Variants in TACO1 observed in about 807,000 individuals in gnomAD.
TACO1 encodes the protein translational activator of cytochrome c oxidase 1.
Under a neutral mutation model 24.0 loss-of-function variants are expected in TACO1, and 13 were observed. That is an observed-to-expected ratio of 0.54 (90% CI 0.35 to 0.86). TACO1 has a LOEUF of 0.86. Among genes scored for constraint, TACO1 ranks in the 40% least tolerant of loss-of-function variants. The pLI is 0.01. For synonymous variants in TACO1, 149 were observed against 153.5 expected, an observed-to-expected ratio of 0.97 and a Z score of 0.22; for missense variants, 352 against 380.1, an observed-to-expected ratio of 0.93 and a Z score of 0.61.
intron 3 of TACO1, 60 bp from the exon 4 acceptor site, chr17:63,607,227 T>C: frequency 6.8e-7 from 1 of 1,465,084 alleles, no homozygotes; most frequent in Non-Finnish European, 9.5e-7. Flanking sequence ...ATGATGAGCT[T>C]TATGGAGGCT....
chr17:63,601,404 C>T (rs749201030), intron 1 of TACO1, 41 bp downstream of exon 1: 3 of 1,603,842 alleles, frequency 1.9e-6, no homozygotes, highest in African/African-American at 2.7e-5. Flanking sequence ...TGCCGCTGCC[C>T]TCTCAGTGCC....
In TACO1 at chr17:63,607,714, TA is replaced by T. The variant is rs2033873702; in HGVS notation, c.694-87del. The T allele has an allele frequency of 2.4e-5, 30 of 1,260,334 alleles. No homozygotes were observed. The South Asian group carries it at 3.5e-4, about 15-fold the overall frequency. 78.1% of individuals were successfully genotyped at this position (1,260,334 alleles called of 1,614,324 possible). A position where few individuals can be genotyped will look rare whatever the true frequency, so the allele number is the denominator to read the frequency against. Reference sequence around the variant, plus strand: ...GCTCAAACCCAGTGATCCATTCCAGTACTGACATTCAGGACTTTGCAAGGTC... The same window carrying T: ...GCTCAAACCCAGTGATCCATTCCAGTCTGACATTCAGGACTTTGCAAGGTC... On this transcript the variant is annotated intron_variant, in intron 4 of 4. Coordinates refer to ENST00000258975, the MANE Select transcript of TACO1 (RefSeq NM_016360.4).
chr17:63,603,108 C>T (rs1166820716), intron 1 of TACO1, among the ~76,000 whole-genome samples: 1 of 151,820 alleles, frequency 6.6e-6, no homozygotes, highest in African/African-American at 2.4e-5. Context: ...TGGTGGCGGG[C>T]GCCTATAGTC....
chr17:63,606,826 C>T (rs1038022578), intron 3 of TACO1: 2 of 359,896 alleles, frequency 5.6e-6, no homozygotes, highest in South Asian at 2.4e-5. Context: ...TGGGAGCCAC[C>T]ATGCCTGGCC....
Position 63,608,218 on chromosome 17 carries a change from C to G in TACO1, c.*216C>G, listed in dbSNP as rs1854235233. On this transcript the variant is annotated 3_prime_UTR_variant, in exon 5 of 5. Coordinates refer to ENST00000258975, the MANE Select transcript of TACO1 (RefSeq NM_016360.4). The stretch of plus-strand genomic sequence containing the variant: ...GTCTCAGAGCCATCTGGATGAGTGT[C>G]CCGACACCCTCTCGGATGCAGGGCA... The G allele has an allele frequency of 3.2e-6, 2 of 618,966 alleles. No homozygotes were observed. Among genetic ancestry groups the G allele is most frequent in the Non-Finnish European group, 5.8e-6 (2 of 344,880 alleles). The allele number at this position is 618,966 out of a possible 1,614,324, so 38.3% of individuals were successfully genotyped here.
At chr17:63,606,242 C>T in intron 2 of TACO1, 71 bp from the exon 3 acceptor site, 2 of 1,596,956 alleles carry the variant, frequency 1.3e-6, no homozygotes, top group Non-Finnish European at 1.7e-6. Flanking sequence ...TTTTGCGATA[C>T]TTGTAGTTCT....
In TACO1 at chr17:63,601,050, G is replaced by C. The variant is rs768401965; in HGVS notation, c.-34G>C. The C allele has an allele frequency of 7.8e-6, 12 of 1,536,726 alleles. No individual in the cohort carries two copies. The African/African-American group carries it at 1.1e-4, about 14-fold the overall frequency. On this transcript the variant is annotated 5_prime_UTR_variant, in exon 1 of 5. Coordinates refer to ENST00000258975, the MANE Select transcript of TACO1 (RefSeq NM_016360.4). ...AAGAGACGCGCCGGCGTTGGCCGCT[G>C]CTGCTAGCAGCTTGAACCCCAGGGT... is the stretch of plus-strand genomic sequence containing the variant.
At position 63,608,314 on chromosome 17, in the gene TACO1, G is replaced by A. The variant is rs560798297; in HGVS notation, c.*312G>A. On this transcript the variant is annotated 3_prime_UTR_variant, in exon 5 of 5. Coordinates refer to ENST00000258975, the MANE Select transcript of TACO1 (RefSeq NM_016360.4). Reference sequence around the variant, plus strand: ...GTGGGGATTGTAAGTGCCCTGAGGCGCTCTGTACTAGAAACTGCTCTTAAT... The same window carrying A: ...GTGGGGATTGTAAGTGCCCTGAGGCACTCTGTACTAGAAACTGCTCTTAAT... 1.7e-4 allele frequency: 75 copies of A among 445,334 alleles called. No homozygotes were observed. Among genetic ancestry groups the A allele is most frequent in the Middle Eastern group, 6.8e-4 (1 of 1,474 alleles). 27.6% of individuals were successfully genotyped at this position (445,334 alleles called of 1,614,324 possible). A position where few individuals can be genotyped will look rare whatever the true frequency, so the allele number is the denominator to read the frequency against.
chr17:63,604,321 G>A (rs1376932699), intron 1 of TACO1, among the ~76,000 whole-genome samples: 1 of 152,212 alleles, frequency 6.6e-6, no homozygotes, highest in African/African-American at 2.4e-5. Context: ...CAGCAACAGA[G>A]TGAGACTCCA....
At chr17:63,606,555 T>C in intron 3 of TACO1, 115 bp downstream of exon 3, 2 of 1,444,060 alleles carry the variant, frequency 1.4e-6, no homozygotes, top group Non-Finnish European at 1.9e-6. Context: ...TTTGTTTTTT[T>C]GTTTTTTGAG....
intron 1 of TACO1, among the ~76,000 whole-genome samples, chr17:63,602,828 A>G (rs965178821): frequency 3.9e-5 from 6 of 152,106 alleles, no homozygotes; most frequent in South Asian, 2.1e-4. Context: ...CTGCATCCCA[A>G]TGAAGTTCAA....
intron 1 of TACO1, among the ~76,000 whole-genome samples, chr17:63,603,867 A>G (rs993059470): frequency 3.3e-5 from 5 of 149,410 alleles, no homozygotes; most frequent in Non-Finnish European, 7.4e-5. Context: ...AATACGAAAA[A>G]AATTACCTGG....
intron 3 of TACO1, 124 bp from the exon 4 acceptor site, chr17:63,607,163 T>A: frequency 1.1e-6 from 1 of 904,340 alleles, no homozygotes; most frequent in Non-Finnish European, 1.8e-6. Flanking sequence ...GGATGCGATC[T>A]GCTCCATGTC....
Position 63,607,321 on chromosome 17 carries a change from G to A in TACO1, c.550G>A (p.Asp184Asn). Reference protein sequence around the residue: ...VMAVGARHSFDKKGVIVVEVE... With the variant: ...VMAVGARHSFNKKGVIVVEVE... ...GGCTGTAGGAGCTCGTCACTCTTTT[G>A]ACAAAAAGGGGGTGATTGTGGTTGA... The change falls in exon 4 of 5, where the codon GAC (aspartate) becomes AAC (asparagine). Residue 184 changes from aspartate to asparagine, a missense_variant. Asp to Asn is a conservative substitution (Grantham distance 23). Transcript: ENST00000258975. 1.2e-6 allele frequency: 2 copies of A among 1,614,112 alleles called. No individual in the cohort carries two copies. The highest frequency in any genetic ancestry group is 1.7e-5 in the Admixed American group (1 of 60,012).
chr17:63,607,092 C>T (rs982199193), intron 3 of TACO1, 195 bp from the exon 4 acceptor site: 47 of 621,496 alleles, frequency 7.6e-5, no homozygotes, highest in Non-Finnish European at 1.1e-4. Context: ...GGCAGAAAAT[C>T]GAGCGTGGGG....
rs1435399103 is a variant in TACO1, at chr17:63,608,340, A to G, written c.*338A>G. ...CTCTGTACTAGAAACTGCTCTTAAT[A>G]ATAACGGTGATTATTGGTTGCTGCA... On this transcript the variant is annotated 3_prime_UTR_variant, in exon 5 of 5. Transcript: ENST00000258975. 14 of 384,752 alleles carry G rather than the reference A, an allele frequency of 3.6e-5. 1 individual carries two copies. Among genetic ancestry groups the G allele is most frequent in the African/African-American group, 8.3e-5 (4 of 48,332 alleles). The allele number at this position is 384,752 out of a possible 1,614,324, so 23.8% of individuals were successfully genotyped here.
At chr17:63,607,682 G>A in intron 4 of TACO1, 120 bp from the exon 5 acceptor site, 1 of 1,062,796 alleles carries the variant, frequency 9.4e-7, no homozygotes, top group Non-Finnish European at 1.4e-6. Context: ...GTCCCTGCCA[G>A]TGAAGAGCTC....
At chr17:63,605,532 G>A (rs908356960) in intron 2 of TACO1, among the ~76,000 whole-genome samples, 75 of 152,366 alleles carry the variant, frequency 4.9e-4, no homozygotes, top group African/African-American at 1.8e-3. Flanking sequence ...CTGAGGCACA[G>A]GAATGTTAGG....
chr17:63,607,432 A>G lies in TACO1; in HGVS notation c.661A>G (p.Thr221Ala). The change falls in exon 4 of 5, where the codon ACT (threonine) becomes GCT (alanine). Residue 221 changes from threonine (T) to alanine (A), a missense_variant. By Grantham distance (58) the Thr-to-Ala change is moderately conservative. Coordinates refer to ENST00000258975, the MANE Select transcript of TACO1 (RefSeq NM_016360.4). ...AGCAGGAGCTGAGGATGTCAAGGAA[A>G]CTGAAGATGAAGAAGAAAGGAACGT... ...IEAGAEDVKE[T>A]EDEEERNVFK... 6.2e-7 allele frequency: 1 copy of G among 1,614,228 alleles called. No homozygotes were observed. Among genetic ancestry groups the G allele is most frequent in the Non-Finnish European group, 8.5e-7 (1 of 1,180,050 alleles).
Sources: gnomAD v4.1 joint callset for allele counts (sites outside exome capture counted in the v4.1 genomes callset) on GRCh38, gnomAD v4.1.1 for gene constraint, MANE v1.5 for transcripts, NCBI Gene and HGNC (gene_info 2026-07-23, HGNC 2026-07-21) for gene names.